The following IL12RB2 variants were observed in gnomAD, a reference collection of about 807,000 sequenced individuals.
IL12RB2 encodes the protein interleukin-12 receptor subunit beta-2.
Under a neutral mutation model 89.4 loss-of-function variants are expected in IL12RB2, and 82 were observed. The ratio of observed to expected loss-of-function variants is 0.92; its 90% CI spans 0.77 to 1.10. The LOEUF (loss-of-function observed/expected upper bound fraction) is 1.10. Among genes scored for constraint, IL12RB2 ranks in the 50% least tolerant of loss-of-function variants. The probability of loss-of-function intolerance (pLI) is 0.00; values close to 1 mark genes in which losing one functional copy is unlikely to be tolerated. For synonymous variants in IL12RB2, 368 were observed against 370.1 expected, an observed-to-expected ratio of 0.99 and a Z score of 0.07; for missense variants, 963 against 1,031.9, an observed-to-expected ratio of 0.93 and a Z score of 0.92.
chr1:67,380,543 T>C (rs1664464331), intron 14 of IL12RB2, among the ~76,000 whole-genome samples: 2 of 152,306 alleles, frequency 1.3e-5, no homozygotes, highest in South Asian at 4.1e-4. Flanking sequence ...ACAATAATAA[T>C]AGCAGCTATT....
At chr1:67,320,090 C>A (rs1179798105) in intron 2 of IL12RB2, among the ~76,000 whole-genome samples, 1 of 152,146 alleles carries the variant, frequency 6.6e-6, no homozygotes, top group Non-Finnish European at 1.5e-5. Context: ...CCCAAATGAA[C>A]TAAGACATCC....
chr1:67,331,310 CA>C (rs1658045477), intron 8 of IL12RB2, among the ~76,000 whole-genome samples: 1 of 152,170 alleles, frequency 6.6e-6, no homozygotes, highest in Non-Finnish European at 1.5e-5. Context: ...CACTGTACTT[CA>C]AGCCTTTGAT....
chr1:67,315,996 A>G (rs12758822), intron 2 of IL12RB2, among the ~76,000 whole-genome samples: 2,607 of 152,330 alleles, frequency 0.017, 40 homozygotes, highest in Non-Finnish European at 0.029. Context: ...ACCACAATGT[A>G]GTAGAATAAG....
chr1:67,370,491 TTAA>T (rs1184725762), intron 11 of IL12RB2, among the ~76,000 whole-genome samples: 1 of 152,196 alleles, frequency 6.6e-6, no homozygotes, highest in African/African-American at 2.4e-5. Flanking sequence ...TACTGGTCAT[TTAA>T]TGTTTGCCTT....
chr1:67,363,171 G>A (rs1301827856), intron 10 of IL12RB2, among the ~76,000 whole-genome samples: 5 of 151,500 alleles, frequency 3.3e-5, no homozygotes, highest in African/African-American at 1.2e-4. Context: ...AAAGTGCTGG[G>A]ATTACAGGCA....
chr1:67,379,947 C>G, intron 13 of IL12RB2, 39 bp from the exon 14 acceptor site: 4 of 1,475,858 alleles, frequency 2.7e-6, no homozygotes, highest in Non-Finnish European at 3.8e-6. Context: ...AAAGCCATAT[C>G]CTTTAATACA....
chr1:67,374,073 T>C (rs931489961), intron 13 of IL12RB2, among the ~76,000 whole-genome samples: 2 of 152,180 alleles, frequency 1.3e-5, no homozygotes, highest in East Asian at 1.9e-4. Flanking sequence ...AAAAAAACAA[T>C]TGATGCATGT....
Position 67,321,582 on chromosome 1 carries a change from G to A in IL12RB2, c.77-20G>A. ...GGTTTATTATCACCAACTAAATATTGCATCTGTATCTTATTGCAGATGCGT... is the reference window on the plus strand; with the variant it reads ...GGTTTATTATCACCAACTAAATATTACATCTGTATCTTATTGCAGATGCGT... On this transcript the variant is annotated intron_variant, in intron 3 of 16. Transcript: ENST00000674203. 1 of 1,532,048 alleles carries A rather than the reference G, an allele frequency of 6.5e-7. No individual in the cohort carries two copies. Among genetic ancestry groups the A allele is most frequent in the Non-Finnish European group, 9.0e-7 (1 of 1,106,078 alleles). 94.9% of individuals were successfully genotyped at this position (1,532,048 alleles called of 1,614,324 possible). A position where few individuals can be genotyped will look rare whatever the true frequency, so the allele number is the denominator to read the frequency against.
chr1:67,347,962 C>A (rs987341465), intron 9 of IL12RB2, among the ~76,000 whole-genome samples: 1 of 152,148 alleles, frequency 6.6e-6, no homozygotes, highest in Non-Finnish European at 1.5e-5. Flanking sequence ...TCCTCAAAAT[C>A]AGAATGGAGA....
intron 8 of IL12RB2, among the ~76,000 whole-genome samples, chr1:67,337,426 T>C (rs1658908275): frequency 2.0e-5 from 3 of 152,192 alleles, no homozygotes; most frequent in African/African-American, 4.8e-5. Context: ...GGAAACAAAA[T>C]GACTTCACTC....
chr1:67,380,269 A>G (rs1042358060), intron 14 of IL12RB2, 146 bp downstream of exon 14: 3 of 800,534 alleles, frequency 3.7e-6, no homozygotes, highest in African/African-American at 3.4e-5. Context: ...TGTTTCTCCT[A>G]AATAGAATGC....
At chr1:67,309,482 G>T (rs947426286) in intron 1 of IL12RB2, among the ~76,000 whole-genome samples, 7 of 152,158 alleles carry the variant, frequency 4.6e-5, no homozygotes, top group African/African-American at 1.7e-4. Context: ...AAGGACCTTA[G>T]TGGCTAAGAG....
chr1:67,311,469 G>C (rs1038595776), intron 1 of IL12RB2, among the ~76,000 whole-genome samples: 1 of 151,988 alleles, frequency 6.6e-6, no homozygotes, highest in African/African-American at 2.4e-5. Context: ...GGGTTATCTT[G>C]GTCAACTTAC....
intron 10 of IL12RB2, among the ~76,000 whole-genome samples, chr1:67,351,895 G>T (rs1475481553): frequency 1.3e-5 from 2 of 152,090 alleles, no homozygotes; most frequent in South Asian, 4.1e-4. Flanking sequence ...TATTATAAAA[G>T]AATTCCATGT....
chr1:67,389,341 A>AC (rs141378801), intron 15 of IL12RB2, among the ~76,000 whole-genome samples: 149 of 49,422 alleles, frequency 3.0e-3, no homozygotes, highest in Middle Eastern at 0.011. Context: ...TACTTTTAAA[A>AC]AAAAAAAAAA....
At chr1:67,338,461 A>G (rs1411657130) in intron 8 of IL12RB2, among the ~76,000 whole-genome samples, 163 bp from the exon 9 acceptor site, 1 of 150,128 alleles carries the variant, frequency 6.7e-6, no homozygotes, top group Non-Finnish European at 1.5e-5. Context: ...CCAAAGATAT[A>G]TATGTTCATT....
At chr1:67,352,312 G>T (rs1005466716) in intron 10 of IL12RB2, among the ~76,000 whole-genome samples, 1 of 152,174 alleles carries the variant, frequency 6.6e-6, no homozygotes, top group Admixed American at 6.5e-5. Flanking sequence ...AAGTCCAGAG[G>T]TAGACAGCCT....
intron 4 of IL12RB2, among the ~76,000 whole-genome samples, 188 bp from the exon 5 acceptor site, chr1:67,326,547 A>G (rs969457366): frequency 6.6e-6 from 1 of 152,218 alleles, no homozygotes; most frequent in East Asian, 1.9e-4. Flanking sequence ...CACTACTATT[A>G]TTACTGTTTC....
chr1:67,381,372 TC>T (rs141123592), intron 14 of IL12RB2, among the ~76,000 whole-genome samples: 125 of 152,344 alleles, frequency 8.2e-4, no homozygotes, highest in Middle Eastern at 6.8e-3. Flanking sequence ...ACATGAAGCA[TC>T]AAGTTGATCA....
Sources: allele counts gnomAD v4.1 joint callset (sites outside exome capture counted in the v4.1 genomes callset), GRCh38; gene constraint gnomAD v4.1.1; transcripts MANE v1.5; gene names NCBI Gene and HGNC (gene_info 2026-07-23, HGNC 2026-07-21).